The following DUSP29 variants were observed in gnomAD, a reference collection of about 807,000 sequenced individuals.
The protein encoded by DUSP29 is atypical dual-specific protein phosphatase.
A neutral mutation model predicts 13.5 loss-of-function variants in DUSP29; 12 were observed. The observed-to-expected ratio is 0.89, with a 90% CI of 0.57 to 1.44. The LOEUF (loss-of-function observed/expected upper bound fraction) is 1.44. Ranked by LOEUF, DUSP29 falls within the 40% of genes most tolerant of loss-of-function variation. The probability of loss-of-function intolerance (pLI) is 0.00; values close to 1 mark genes in which losing one functional copy is unlikely to be tolerated. For missense variants in DUSP29, 308 were observed against 301.1 expected, an observed-to-expected ratio of 1.02 and a Z score of -0.17; for synonymous variants, 134 against 128.7, an observed-to-expected ratio of 1.04 and a Z score of -0.28.
At chr10:75,055,891 C>T (rs1846948451) in intron 2 of DUSP29, among the ~76,000 whole-genome samples, 1 of 152,096 alleles carries the variant, frequency 6.6e-6, no homozygotes, top group Non-Finnish European at 1.5e-5. Context: ...AAGTATACAA[C>T]AGTATGTATA....
In DUSP29 at chr10:75,058,422, CTCCTCCTCCCCT is replaced by C. The variant is rs1378081289; in HGVS notation, c.81_92del (p.Gly28_Glu31del). 2 of 1,614,222 alleles carry C rather than the reference CTCCTCCTCCCCT, an allele frequency of 1.2e-6. No individual in the cohort carries two copies. Among genetic ancestry groups the C allele is most frequent in the Non-Finnish European group, 1.7e-6 (2 of 1,180,046 alleles). On this transcript the variant is annotated inframe_deletion, in exon 2 of 4. Transcript: ENST00000338487. ...CAAAGGCTCCAGGGGTGCAGTAGTC[CTCCTCCTCCCCT>C]TCCTCCTCCATCTTCGGCGACAGCC...
At chr10:75,042,723 C>A (rs928666133) in intron 3 of DUSP29, among the ~76,000 whole-genome samples, 1 of 152,242 alleles carries the variant, frequency 6.6e-6, no homozygotes, top group African/African-American at 2.4e-5. Context: ...CTGGCCTAGG[C>A]CCAGCCCCAG....
At chr10:75,038,798 T>C (rs1215915164) in intron 3 of DUSP29, among the ~76,000 whole-genome samples, 1 of 151,444 alleles carries the variant, frequency 6.6e-6, no homozygotes, top group East Asian at 1.9e-4. Flanking sequence ...CTGGTAGGAG[T>C]TCCAAGAGCT....
intron 1 of DUSP29, among the ~76,000 whole-genome samples, chr10:75,069,120 T>C (rs1371688997): frequency 6.6e-6 from 1 of 152,214 alleles, no homozygotes; most frequent in Admixed American, 6.5e-5. Context: ...ATGAACTTGT[T>C]TGATTAACTC....
chr10:75,043,999 G>A lies in DUSP29; in HGVS notation c.219C>T (p.Arg73=). 1 of 1,610,476 alleles carries A rather than the reference G, an allele frequency of 6.2e-7. No homozygotes were observed. Among genetic ancestry groups the A allele is most frequent in the South Asian group, 1.1e-5 (1 of 90,984 alleles). ...TGAACCCCGCCTTCTGCAGCCTATA[G>A]CGGTCCAGCGCCGTCGCCCTGGGCG... is the stretch of plus-strand genomic sequence containing the variant. ...YIGDEATALD[R]YRLQKAGFTH... Residue 73 remains arginine, a synonymous_variant, in exon 3 of 4, where the codon CGC becomes CGT. Transcript: ENST00000338487.
chr10:75,038,466 C>T (rs571231138), intron 3 of DUSP29, among the ~76,000 whole-genome samples: 11 of 152,180 alleles, frequency 7.2e-5, no homozygotes, highest in Non-Finnish European at 1.3e-4. Flanking sequence ...GGGGTGTGAA[C>T]GTGTCCAGCT....
intron 3 of DUSP29, among the ~76,000 whole-genome samples, chr10:75,040,090 C>T (rs1397217369): frequency 2.0e-5 from 3 of 151,932 alleles, no homozygotes; most frequent in Non-Finnish European, 2.9e-5. Context: ...AGAGGAGAAT[C>T]GCTTGAATCC....
chr10:75,051,495 A>G (rs1846828451), intron 2 of DUSP29, among the ~76,000 whole-genome samples: 1 of 152,112 alleles, frequency 6.6e-6, no homozygotes, highest in Non-Finnish European at 1.5e-5. Context: ...ACCTATCTCC[A>G]CAAAAAGGAG....
At chr10:75,051,268 CTG>C (rs1846822670) in intron 2 of DUSP29, among the ~76,000 whole-genome samples, 1 of 152,248 alleles carries the variant, frequency 6.6e-6, no homozygotes, top group South Asian at 2.1e-4. Context: ...TCCTCATACA[CTG>C]TGAATCGAAT....
chr10:75,060,844 A>G (rs1359972317), intron 1 of DUSP29, among the ~76,000 whole-genome samples: 6 of 152,236 alleles, frequency 3.9e-5, no homozygotes, highest in African/African-American at 1.4e-4. Context: ...CTTGCTGGAG[A>G]TTCCGAGGAC....
chr10:75,046,709 T>G (rs1846715312), intron 2 of DUSP29, among the ~76,000 whole-genome samples: 1 of 152,222 alleles, frequency 6.6e-6, no homozygotes, highest in Non-Finnish European at 1.5e-5. Flanking sequence ...CACATTGTGC[T>G]TTCCATTTTT....
rs777009202 is a variant in DUSP29 at position 75,037,865 on chromosome 10, C to T, written c.634G>A (p.Gly212Ser). ...AGCTCCCTGCCATCCTCCTCCTCAC[C>T]GTCCTGGCGCTGGGACCGTCGCCTC... ...QQRRRSQRQD[G>S]EEEDGREL Residue 212 changes from glycine (G) to serine (S), a missense_variant, in exon 4 of 4, where the codon GGT becomes AGT. Gly to Ser is a moderately conservative substitution (Grantham distance 56). Transcript: ENST00000338487. 67 of 1,610,154 alleles carry T rather than the reference C, an allele frequency of 4.2e-5. No individual in the cohort carries two copies. Among genetic ancestry groups the T allele is most frequent in the East Asian group, 6.7e-5 (3 of 44,808 alleles).
intron 2 of DUSP29, among the ~76,000 whole-genome samples, chr10:75,046,056 G>T (rs2097330981): frequency 6.6e-6 from 1 of 152,052 alleles, no homozygotes; most frequent in South Asian, 2.1e-4. Context: ...GGTTGAGGCT[G>T]CAGTGAGCTG....
intron 1 of DUSP29, among the ~76,000 whole-genome samples, chr10:75,069,986 G>C (rs188846593): frequency 6.6e-6 from 1 of 151,504 alleles, no homozygotes; most frequent in African/African-American, 2.4e-5. Flanking sequence ...GGAGGTGGAG[G>C]TTGCTGTGAG....
At chr10:75,064,559 A>G (rs1847156575) in intron 1 of DUSP29, among the ~76,000 whole-genome samples, 1 of 152,038 alleles carries the variant, frequency 6.6e-6, no homozygotes, top group Non-Finnish European at 1.5e-5. Context: ...GGCTCTCACC[A>G]TGTTGCCCAA....
In DUSP29 at chr10:75,058,445, T is replaced by C. The variant is rs754791498; in HGVS notation, c.70A>G (p.Met24Val). The C allele has an allele frequency of 5.0e-6, 8 of 1,614,106 alleles. No homozygotes were observed. The South Asian group carries it at 8.8e-5, about 18-fold the overall frequency. Reference protein sequence around the residue: ...YSSAKRLSPKMEEEGEEEDYC... With the variant: ...YSSAKRLSPKVEEEGEEEDYC... Reference sequence around the variant, plus strand: ...TCCTCCTCCTCCCCTTCCTCCTCCATCTTCGGCGACAGCCTCTTGGCAGAT... The same window carrying C: ...TCCTCCTCCTCCCCTTCCTCCTCCACCTTCGGCGACAGCCTCTTGGCAGAT... Residue 24 changes from methionine to valine, a missense_variant, in exon 2 of 4, where the codon ATG becomes GTG. Transcript: ENST00000338487.
intron 1 of DUSP29, among the ~76,000 whole-genome samples, chr10:75,066,561 T>A (rs1847205904): frequency 6.6e-6 from 1 of 152,230 alleles, no homozygotes; most frequent in Non-Finnish European, 1.5e-5. Context: ...TTTCTTTTTT[T>A]AAAGTAACCA....
At position 75,050,004 on chromosome 10, in the gene DUSP29, C is replaced by T. The variant is rs184313786; in HGVS notation, c.201-5987G>A. 5.0e-3 allele frequency among the ~76,000 whole-genome samples: 766 copies of T among 152,322 alleles called. 3 individuals are homozygous for T. Among genetic ancestry groups the T allele is most frequent in the Non-Finnish European group, 9.0e-3 (615 of 68,034 alleles). On this transcript the variant is annotated intron_variant, in intron 2 of 3. Transcript: ENST00000338487. ...CAAAAATAAGGAGCTCCTGAGGGCCCGCACCATTCCATGAGCAGCAGAAGT... is the reference window on the plus strand; with the variant it reads ...CAAAAATAAGGAGCTCCTGAGGGCCTGCACCATTCCATGAGCAGCAGAAGT...
intron 2 of DUSP29, among the ~76,000 whole-genome samples, chr10:75,049,188 T>C (rs1452996721): frequency 6.9e-6 from 1 of 144,164 alleles, no homozygotes; most frequent in Non-Finnish European, 1.5e-5. Flanking sequence ...ATTCATTTAC[T>C]ATGTAAATAT....
Sources: gnomAD v4.1 joint callset for allele counts (sites outside exome capture counted in the v4.1 genomes callset) on GRCh38, gnomAD v4.1.1 for gene constraint, MANE v1.5 for transcripts, NCBI Gene and HGNC (gene_info 2026-07-23, HGNC 2026-07-21) for gene names.